Variants in INPP5A observed in about 807,000 individuals in gnomAD.
The protein encoded by INPP5A is inositol polyphosphate-5-phosphatase A, also known as 43 kDa inositol polyphosphate 5-phophatase.
A neutral mutation model predicts 65.2 loss-of-function variants in INPP5A; 14 were observed. The ratio of observed to expected loss-of-function variants is 0.21; its 90% confidence interval spans 0.14 to 0.34. The LOEUF (loss-of-function observed/expected upper bound fraction) is 0.34, where lower values mean the gene tolerates loss of function less well. Among genes scored for constraint, INPP5A ranks in the 10% least tolerant of loss-of-function variants. The pLI, the probability that INPP5A is intolerant of heterozygous loss-of-function variation, is 1.00. For missense variants in INPP5A, 431 were observed against 545.6 expected, an observed-to-expected ratio of 0.79 and a Z score of 2.09; for synonymous variants, 207 against 208.3, an observed-to-expected ratio of 0.99 and a Z score of 0.05.
At position 132,538,108 on chromosome 10, in the gene INPP5A, G is replaced by T; in HGVS notation, c.12G>T (p.Lys4Asn). MAGKAAAPGTAVLL... is the reference protein window; with the variant it reads MAGNAAAPGTAVLL... ...GCCGCCCGGGCACCATGGCGGGGAA[G>T]GCGGCCGCCCCGGGCACCGCGGTGC... The change falls in exon 1 of 16, where the codon AAG (lysine) becomes AAT (asparagine). Residue 4 changes from lysine to asparagine, a missense_variant. Coordinates refer to ENST00000368594, the MANE Select transcript of INPP5A (RefSeq NM_005539.5). The surrounding 1 kb of genome is among the most constrained non-coding windows in gnomAD (Gnocchi z 4.1). 5 of 1,218,414 alleles carry T rather than the reference G, an allele frequency of 4.1e-6. No homozygotes were observed. The highest frequency in any genetic ancestry group is 5.1e-6 in the Non-Finnish European group (5 of 977,366). 75.5% of individuals were successfully genotyped at this position (1,218,414 alleles called of 1,614,324 possible). A position where few individuals can be genotyped will look rare whatever the true frequency, so the allele number is the denominator to read the frequency against.
chr10:132,640,990 A>G (rs1219693919), intron 2 of INPP5A, among the ~76,000 whole-genome samples: 5 of 152,180 alleles, frequency 3.3e-5, no homozygotes, highest in Admixed American at 2.6e-4. Context: ...TACAGCTTTC[A>G]TCGGGAGGCA....
At chr10:132,553,383 C>T (rs1185036751) in intron 1 of INPP5A, among the ~76,000 whole-genome samples, 9 of 139,794 alleles carry the variant, frequency 6.4e-5, no homozygotes, top group Non-Finnish European at 7.7e-5. Flanking sequence ...GACTGGTGAA[C>T]GCCTTCTCAG....
intron 2 of INPP5A, 90 bp from the exon 3 acceptor site, chr10:132,645,760 GCCAGACCCTGGTGGCTCC>G: frequency 2.4e-6 from 2 of 822,932 alleles, no homozygotes; most frequent in Non-Finnish European, 3.9e-6. Flanking sequence ...CCCCGTCTCT[GCCAGACCCTGGTGGCTCC>G]CAGGCTGTGG....
Position 132,575,695 on chromosome 10 carries a change from C to T in INPP5A, c.76-32220C>T, listed in dbSNP as rs1460949216. Among the ~76,000 whole-genome samples, 2 of 152,196 alleles carry T rather than the reference C, an allele frequency of 1.3e-5. No individual in the cohort carries two copies. Among genetic ancestry groups the T allele is most frequent in the South Asian group, 2.1e-4 (1 of 4,830 alleles). The stretch of plus-strand genomic sequence containing the variant: ...ACCAGCTTAGACAAGGAACTCCTGA[C>T]GCCTCAGCGCCTGGCCCTCAGGACA... On this transcript the variant is annotated intron_variant, in intron 1 of 15. Transcript: ENST00000368594. The surrounding 1 kb of genome is among the most constrained non-coding windows in gnomAD (Gnocchi z 5.4).
At chr10:132,576,119 G>T (rs1244365808) in intron 1 of INPP5A, among the ~76,000 whole-genome samples, 10 of 152,154 alleles carry the variant, frequency 6.6e-5, no homozygotes, top group African/African-American at 2.4e-4. Flanking sequence ...CTGAGATCAC[G>T]GCCCAGCCCT....
At chr10:132,646,797 C>T (rs1393171447) in intron 3 of INPP5A, among the ~76,000 whole-genome samples, 4 of 151,898 alleles carry the variant, frequency 2.6e-5, no homozygotes, top group African/African-American at 4.8e-5. Flanking sequence ...CTCTGTGGGC[C>T]GACGCCGCTG....
At chr10:132,596,236 A>ATGGCGGCG (rs996838445) in intron 1 of INPP5A, among the ~76,000 whole-genome samples, 20 of 152,220 alleles carry the variant, frequency 1.3e-4, no homozygotes, top group African/African-American at 4.8e-4. Context: ...TGGACGTGGC[A>ATGGCGGCG]TGGCGGCGTG....
At chr10:132,708,263 G>A in intron 6 of INPP5A, 50 bp from the exon 7 acceptor site, 1 of 1,564,982 alleles carries the variant, frequency 6.4e-7, no homozygotes, top group Non-Finnish European at 8.8e-7. Flanking sequence ...CCCACGTGTT[G>A]CTCTTGCTCA....
chr10:132,570,875 G>A (rs2071332497), intron 1 of INPP5A, among the ~76,000 whole-genome samples: 1 of 152,240 alleles, frequency 6.6e-6, no homozygotes, highest in Non-Finnish European at 1.5e-5. Flanking sequence ...ATAGAGGGCC[G>A]TCCTTCCGGC....
intron 9 of INPP5A, 30 bp downstream of exon 9, chr10:132,726,935 C>CTCA (rs1845996438): frequency 6.6e-7 from 1 of 1,519,512 alleles, no homozygotes; most frequent in Non-Finnish European, 9.1e-7. Context: ...CCGCCCTGGT[C>CTCA]TCATGCCTTG....
rs371807331 is a variant in INPP5A, at chr10:132,538,274, A to ACCCAGAGGC, written c.75+110_75+118dup. ...TGGACCCTGGACCGTGAACCTCCAG[A>ACCCAGAGGC]CCCAGAGGCCCCAGACTCTGATCCC... On this transcript the variant is annotated intron_variant, in intron 1 of 15. Transcript: ENST00000368594. The surrounding 1 kb of genome is among the most constrained non-coding windows in gnomAD (Gnocchi z 4.1). 0.061 allele frequency: 31,464 copies of ACCCAGAGGC among 513,620 alleles called. 1,690 individuals carry two copies. The highest frequency in any genetic ancestry group is 0.061 in the Non-Finnish European group (21,678 of 357,108). The allele number at this position is 513,620 out of a possible 1,614,324, so 31.8% of individuals were successfully genotyped here.
At chr10:132,564,614 A>G (rs948750087) in intron 1 of INPP5A, among the ~76,000 whole-genome samples, 1 of 152,220 alleles carries the variant, frequency 6.6e-6, no homozygotes, top group African/African-American at 2.4e-5. Flanking sequence ...TTATATAACA[A>G]GAGTGTATTT....
chr10:132,653,842 C>T (rs914603817), intron 4 of INPP5A, among the ~76,000 whole-genome samples: 2 of 152,210 alleles, frequency 1.3e-5, no homozygotes, highest in Non-Finnish European at 1.5e-5. Context: ...CGGCGCCCCC[C>T]GTCAAAGGAA....
chr10:132,768,601 G>A (rs1259346405), intron 12 of INPP5A, among the ~76,000 whole-genome samples: 2 of 152,220 alleles, frequency 1.3e-5, no homozygotes, highest in African/African-American at 4.8e-5. Flanking sequence ...GTCAGGACAC[G>A]TTGGCCTTCC....
intron 5 of INPP5A, among the ~76,000 whole-genome samples, chr10:132,692,966 T>TG (rs1298729836): frequency 6.6e-6 from 1 of 152,224 alleles, no homozygotes; most frequent in Non-Finnish European, 1.5e-5. Flanking sequence ...AACCATGTAT[T>TG]GGTTAACTGC....
intron 1 of INPP5A, among the ~76,000 whole-genome samples, chr10:132,606,024 C>T (rs2133337932): frequency 6.6e-6 from 1 of 152,274 alleles, no homozygotes; most frequent in South Asian, 2.1e-4. Flanking sequence ...ATGAATTGGG[C>T]TGGAGCGCGT....
chr10:132,586,377 G>T (rs973494943), intron 1 of INPP5A, among the ~76,000 whole-genome samples: 1 of 152,224 alleles, frequency 6.6e-6, no homozygotes, highest in African/African-American at 2.4e-5. Context: ...GACCATGGGC[G>T]GGGCTGCCTC....
intron 1 of INPP5A, among the ~76,000 whole-genome samples, chr10:132,597,224 T>C (rs1403026284): frequency 6.6e-6 from 1 of 152,248 alleles, no homozygotes; most frequent in African/African-American, 2.4e-5. Flanking sequence ...TATTTTCTAG[T>C]AATTTGAAGC....
chr10:132,628,423 A>G (rs978318094), intron 2 of INPP5A, among the ~76,000 whole-genome samples: 2 of 114,660 alleles, frequency 1.7e-5, no homozygotes, highest in African/African-American at 3.2e-5. Flanking sequence ...CCTGTGCCCT[A>G]TGGTGGCCGC....
Sources: allele counts gnomAD v4.1 joint callset (sites outside exome capture counted in the v4.1 genomes callset), GRCh38; gene constraint gnomAD v4.1.1; non-coding constraint Gnocchi (gnomAD v3.1); transcripts MANE v1.5; gene names NCBI Gene and HGNC (gene_info 2026-07-23, HGNC 2026-07-21).